SEC16A: variants seen among roughly 807,000 people sequenced by gnomAD.
SEC16A encodes the protein protein transport protein Sec16A.
SEC16A carries 110 observed loss-of-function variants against 221.9 expected under a neutral mutation model. That is an observed-to-expected ratio of 0.50 (90% CI 0.42 to 0.58). SEC16A has a LOEUF of 0.58. SEC16A is among the 20% of genes least tolerant of loss of function. The pLI is 0.00. For missense variants in SEC16A, 3,165 were observed against 3,097.8 expected (o/e 1.02, Z -0.52); for synonymous variants, 1,393 against 1,257.7 (o/e 1.11, Z -2.28).
rs1475372571 is a variant in SEC16A, at chr9:136,475,153, C to T, written c.2463G>A (p.Glu821=). 1 of 1,613,780 alleles carries T rather than the reference C, an allele frequency of 6.2e-7. No homozygotes were observed. Among genetic ancestry groups the T allele is most frequent in the African/African-American group, 1.3e-5 (1 of 74,926 alleles). The change falls in exon 3 of 32, where the codon GAG becomes GAA. Residue 821 remains glutamate (E), a synonymous_variant. Transcript: ENST00000684901. The surrounding 1 kb of genome is among the most constrained non-coding windows in gnomAD (Gnocchi z 5.0). ...YASLLSSPPT[E]SLQNPPVLIA... ...TCAAGACTGGAGGATTCTGCAGAGA[C>T]TCAGTGGGCGGTGAGGATAATAAAC...
chr9:136,456,573 G>T (rs1001430704), intron 18 of SEC16A, among the ~76,000 whole-genome samples: 3 of 152,240 alleles, frequency 2.0e-5, no homozygotes, highest in African/African-American at 7.2e-5. Context: ...TAACCACTAA[G>T]GTGGGGGATG....
chr9:136,456,530 A>G (rs1838696704), intron 18 of SEC16A, among the ~76,000 whole-genome samples: 1 of 152,200 alleles, frequency 6.6e-6, no homozygotes, highest in African/African-American at 2.4e-5. Flanking sequence ...AGCGGGACAG[A>G]GGGGGCAGAA....
At chr9:136,446,196 C>T (rs1202693046) in intron 28 of SEC16A, among the ~76,000 whole-genome samples, 1 of 151,236 alleles carries the variant, frequency 6.6e-6, no homozygotes, top group East Asian at 1.9e-4. Context: ...ACCTCTGCCT[C>T]CTGGGTCCAA....
chr9:136,460,644 C>T lies in SEC16A; in HGVS notation c.4992-521G>A, dbSNP rs1019981170. On this transcript the variant is annotated intron_variant, in intron 13 of 31. Transcript: ENST00000684901. ...TAAAAGATAAGGCCAGGTATGGTGG[C>T]TCACGCCTGTAATCCCAGCACTTTC... Among the ~76,000 whole-genome samples the T allele has an allele frequency of 1.2e-4, 18 of 151,148 alleles. 1 individual carries two copies. In the South Asian group the frequency reaches 3.5e-3, roughly 30 times the overall value.
rs1468256517 is a variant in SEC16A, at chr9:136,474,172, G to A, written c.3444C>T (p.Ala1148=). 3.1e-6 allele frequency: 5 copies of A among 1,613,066 alleles called. No homozygotes were observed. Among genetic ancestry groups the A allele is most frequent in the East Asian group, 4.5e-5 (2 of 44,884 alleles). The change falls in exon 3 of 32, where the codon GCC becomes GCT. Residue 1148 remains alanine (A), a synonymous_variant. Coordinates refer to ENST00000684901, the MANE Select transcript of SEC16A (RefSeq NM_014866.2). ...CCAGGTCCTGAGGCGGTGGGCCGGG[G>A]GCAAGTGCAGGCACTGGCTGTGGCC... ...QPWPQPVPAL[A]PGPPPQDLAA... is the part of the protein sequence containing the mutation.
chr9:136,467,103 G>C lies in SEC16A; in HGVS notation c.3803-20C>G. Reference sequence around the variant, plus strand: ...CTGGATCTGTGAGCAAGGAATTAATGATTAATACAGTAACATGCAAAAGAA... The same window carrying C: ...CTGGATCTGTGAGCAAGGAATTAATCATTAATACAGTAACATGCAAAAGAA... On this transcript the variant is annotated intron_variant, in intron 5 of 31. Transcript: ENST00000684901. 1 of 1,611,228 alleles carries C rather than the reference G, an allele frequency of 6.2e-7. No individual in the cohort carries two copies. Among genetic ancestry groups the C allele is most frequent in the Non-Finnish European group, 8.5e-7 (1 of 1,178,490 alleles).
At chr9:136,450,158 C>G (rs1171181921) in intron 23 of SEC16A, among the ~76,000 whole-genome samples, 1 of 152,108 alleles carries the variant, frequency 6.6e-6, no homozygotes, top group Non-Finnish European at 1.5e-5. Flanking sequence ...GAGCCAAGAT[C>G]ATGCCAATGC....
chr9:136,454,489 C>G (rs558470220), intron 20 of SEC16A, among the ~76,000 whole-genome samples, 162 bp from the exon 21 acceptor site: 19 of 152,374 alleles, frequency 1.2e-4, no homozygotes, highest in African/African-American at 3.6e-4. Context: ...CACCACCCCA[C>G]CGCACCATCC....
intron 3 of SEC16A, among the ~76,000 whole-genome samples, chr9:136,472,444 G>A (rs577355631): frequency 6.6e-4 from 100 of 152,330 alleles, no homozygotes; most frequent in African/African-American, 2.4e-3. Flanking sequence ...ACAACCCCAG[G>A]GGGCTGTGGC....
chr9:136,470,248 C>T (rs1335183581), intron 4 of SEC16A, among the ~76,000 whole-genome samples: 1 of 152,242 alleles, frequency 6.6e-6, no homozygotes, highest in African/African-American at 2.4e-5. Flanking sequence ...AAGAGTAAGC[C>T]TGCGGATCTG....
At chr9:136,482,533 T>A (rs941121267) in intron 1 of SEC16A, among the ~76,000 whole-genome samples, 1 of 152,228 alleles carries the variant, frequency 6.6e-6, no homozygotes, top group Non-Finnish European at 1.5e-5. Context: ...AACTCTGCTC[T>A]TTGGTTCAAA....
At chr9:136,479,999 C>CA (rs11330512) in intron 1 of SEC16A, among the ~76,000 whole-genome samples, 131 of 143,800 alleles carry the variant, frequency 9.1e-4, no homozygotes, top group Admixed American at 2.6e-3. Context: ...GAAACTGTCT[C>CA]AAAAAAAAAA....
rs1370058765 is a variant in SEC16A at position 136,457,464 on chromosome 9, A to G, written c.5530T>C (p.Leu1844=). Residue 1844 remains leucine, a synonymous_variant, in exon 18 of 32, where the codon TTG becomes CTG. Coordinates refer to ENST00000684901, the MANE Select transcript of SEC16A (RefSeq NM_014866.2). ...LTQPHLYSPV[L]ISQLVQMASQ... ...AGCACCTGCACAAGCTGGCTGATCA[A>G]CACCGGGGAATACAGGTGCGGCTGC... is the stretch of plus-strand genomic sequence containing the variant. The G allele has an allele frequency of 1.9e-6, 3 of 1,606,470 alleles. No homozygotes were observed. The highest frequency in any genetic ancestry group is 1.7e-5 in the Admixed American group (1 of 59,182).
chr9:136,466,887 T>C lies in SEC16A; in HGVS notation c.3929+70A>G. 2 of 1,527,372 alleles carry C rather than the reference T, an allele frequency of 1.3e-6. No individual in the cohort carries two copies. The highest frequency in any genetic ancestry group is 8.8e-7 in the Non-Finnish European group (1 of 1,135,946). The allele number at this position is 1,527,372 out of a possible 1,614,324, so 94.6% of individuals were successfully genotyped here. A position where few individuals can be genotyped will look rare whatever the true frequency, so the allele number is the denominator to read the frequency against. ...ACAGCTCTTTGTTAAAACCCAGACA[T>C]GAGGGCAGAGAAGCACTAGCGCGCC... On this transcript the variant is annotated intron_variant, in intron 6 of 31. Coordinates refer to ENST00000684901, the MANE Select transcript of SEC16A (RefSeq NM_014866.2). The surrounding 1 kb of genome is among the most constrained non-coding windows in gnomAD (Gnocchi z 5.5).
In SEC16A at chr9:136,441,680, C is replaced by T. The variant is rs1411273139; in HGVS notation, c.*75G>A. 104 of 1,359,404 alleles carry T rather than the reference C, an allele frequency of 7.7e-5. No homozygotes were observed. The highest frequency in any genetic ancestry group is 1.5e-4 in the South Asian group (13 of 84,768). The allele number at this position is 1,359,404 out of a possible 1,614,324, so 84.2% of individuals were successfully genotyped here. A position where few individuals can be genotyped will look rare whatever the true frequency, so the allele number is the denominator to read the frequency against. On this transcript the variant is annotated 3_prime_UTR_variant, in exon 32 of 32. Transcript: ENST00000684901. ...GTCTCCCTGGGGGCGGGACGGAGATCGCGGAGGTCGGTCGGGTTCTTCGGG... is the reference window on the plus strand; with the variant it reads ...GTCTCCCTGGGGGCGGGACGGAGATTGCGGAGGTCGGTCGGGTTCTTCGGG...
chr9:136,484,503 G>T, upstream of SEC16A: 1 of 1,236,802 alleles, frequency 8.1e-7, no homozygotes. Context: ...AAGAGCCGCG[G>T]CCTTCCTCTG....
intron 23 of SEC16A, chr9:136,448,728 G>A: frequency 1.5e-6 from 1 of 677,074 alleles, no homozygotes; most frequent in African/African-American, 1.9e-5. Flanking sequence ...GATCCACAGA[G>A]ACACCAGGAG....
intron 28 of SEC16A, among the ~76,000 whole-genome samples, chr9:136,446,288 T>TA (rs1204859117): frequency 6.6e-6 from 1 of 151,710 alleles, no homozygotes; most frequent in Non-Finnish European, 1.5e-5. Context: ...GTTTTTTTTT[T>TA]AGTAGAGATG....
intron 28 of SEC16A, among the ~76,000 whole-genome samples, 191 bp from the exon 29 acceptor site, chr9:136,445,910 C>G (rs961602145): frequency 6.6e-6 from 1 of 152,206 alleles, no homozygotes; most frequent in Non-Finnish European, 1.5e-5. Context: ...CTCTAGACCC[C>G]TGCAGCTCTC....
Sources: gnomAD v4.1 joint callset for allele counts (sites outside exome capture counted in the v4.1 genomes callset) on GRCh38, gnomAD v4.1.1 for gene constraint, Gnocchi (gnomAD v3.1) non-coding constraint, MANE v1.5 for transcripts, NCBI Gene and HGNC (gene_info 2026-07-23, HGNC 2026-07-21) for gene names.